The following OXNAD1 variants were observed in gnomAD, a reference collection of about 807,000 sequenced individuals.
OXNAD1 encodes oxidoreductase NAD-binding domain-containing protein 1.
OXNAD1 carries 34 observed loss-of-function variants against 32.9 expected under a neutral mutation model. That is an observed-to-expected ratio of 1.03 (90% CI 0.79 to 1.38). The LOEUF is 1.38. Ranked by LOEUF, OXNAD1 falls within the 40% of genes most tolerant of loss-of-function variation. The pLI, the probability that OXNAD1 is intolerant of heterozygous loss-of-function variation, is 0.00. For synonymous variants in OXNAD1, 134 were observed against 135.2 expected (o/e 0.99, Z 0.06); for missense variants, 407 against 379.4 (o/e 1.07, Z -0.60).
intron 9 of OXNAD1, chr3:16,326,705 T>C (rs1389136773): frequency 8.6e-7 from 1 of 1,168,974 alleles, no homozygotes; most frequent in African/African-American, 1.5e-5. Flanking sequence ...CGTGAGGTGC[T>C]CATTAGGAAC....
Position 16,303,335 on chromosome 3 carries a change from G to A in OXNAD1, c.785-73G>A. 1 of 1,510,258 alleles carries A rather than the reference G, an allele frequency of 6.6e-7. No individual in the cohort carries two copies. The highest frequency in any genetic ancestry group is 9.1e-7 in the Non-Finnish European group (1 of 1,099,476). The allele number at this position is 1,510,258 out of a possible 1,614,324, so 93.6% of individuals were successfully genotyped here. ...TGGAAATAAACACTGTATCTGAATT[G>A]TGGTTAGTCCTTCCTCATTTGCTGA... On this transcript the variant is annotated intron_variant, in intron 8 of 8. Transcript: ENST00000285083. The surrounding 1 kb of genome is among the most constrained non-coding windows in gnomAD (Gnocchi z 4.8).
At chr3:16,313,018 A>G (rs976452705) in intron 9 of OXNAD1, among the ~76,000 whole-genome samples, 1 of 147,154 alleles carries the variant, frequency 6.8e-6, no homozygotes, top group Non-Finnish European at 1.5e-5. Flanking sequence ...TCACCTTAGC[A>G]AAGGTTTATT....
chr3:16,294,775 G>A, intron 5 of OXNAD1, 81 bp from the exon 6 acceptor site: 1 of 1,355,156 alleles, frequency 7.4e-7, no homozygotes, highest in East Asian at 2.4e-5. Context: ...TCATAGTCTT[G>A]CAAAGGTTTG....
At chr3:16,324,104 T>TG (rs34163900) in intron 9 of OXNAD1, among the ~76,000 whole-genome samples, 45,392 of 151,930 alleles carry the variant, frequency 0.3, 7,383 homozygotes, top group Non-Finnish European at 0.36. Flanking sequence ...AGAAGATCAC[T>TG]GTTTTTTTTT....
rs1175279775 is a variant in OXNAD1, at chr3:16,305,722, T to G, written c.*2160T>G. Reference sequence around the variant, plus strand: ...ATACTACTTACTAGGTAGATGACCTTGAGCAAGTCACTTAACTGCTCTATG... The same window carrying G: ...ATACTACTTACTAGGTAGATGACCTGGAGCAAGTCACTTAACTGCTCTATG... On this transcript the variant is annotated 3_prime_UTR_variant, in exon 9 of 9. Transcript: ENST00000285083. This position sits in a 1 kb window ranked among gnomAD's most constrained non-coding sequence, Gnocchi z 4.5. 1 of 152,224 alleles carries G rather than the reference T, an allele frequency of 6.6e-6. No individual in the cohort carries two copies. The highest frequency in any genetic ancestry group is 1.5e-5 in the Non-Finnish European group (1 of 68,044). 9.4% of individuals were successfully genotyped at this position (152,224 alleles called of 1,614,324 possible). A position where few individuals can be genotyped will look rare whatever the true frequency, so the allele number is the denominator to read the frequency against.
chr3:16,309,189 C>A (rs1216920565), downstream of OXNAD1, among the ~76,000 whole-genome samples: 1 of 152,124 alleles, frequency 6.6e-6, no homozygotes, highest in Non-Finnish European at 1.5e-5. Flanking sequence ...ATATACTTAA[C>A]CATATCTCCA....
In OXNAD1 at chr3:16,305,735, T is replaced by C. The variant is rs568108559; in HGVS notation, c.*2173T>C. ...GGTAGATGACCTTGAGCAAGTCACT[T>C]AACTGCTCTATGCCTCATTTAAAAT... On this transcript the variant is annotated 3_prime_UTR_variant, in exon 9 of 9. Coordinates refer to ENST00000285083, the MANE Select transcript of OXNAD1 (RefSeq NM_138381.5). The surrounding 1 kb of genome is among the most constrained non-coding windows in gnomAD (Gnocchi z 4.5). 1.4e-4 allele frequency: 21 copies of C among 152,328 alleles called. No individual in the cohort carries two copies. Among genetic ancestry groups the C allele is most frequent in the African/African-American group, 5.1e-4 (21 of 41,570 alleles). 9.4% of individuals were successfully genotyped at this position (152,328 alleles called of 1,614,324 possible).
chr3:16,352,086 A>G (rs2072141932), downstream of OXNAD1, among the ~76,000 whole-genome samples: 1 of 152,262 alleles, frequency 6.6e-6, no homozygotes. The surrounding 1 kb of genome is among the most constrained non-coding windows in gnomAD (Gnocchi z 4.6). Flanking sequence ...TAAAATGTGT[A>G]AGATAGGAAT....
intron 9 of OXNAD1, among the ~76,000 whole-genome samples, chr3:16,343,019 T>C (rs116528997): frequency 0.01 from 1,574 of 152,216 alleles, 22 homozygotes; most frequent in African/African-American, 0.036. Context: ...TTTTATTTTT[T>C]TAATGTAGAG....
At chr3:16,279,394 G>A (rs2065588183) in intron 4 of OXNAD1, among the ~76,000 whole-genome samples, 1 of 152,176 alleles carries the variant, frequency 6.6e-6, no homozygotes, top group Admixed American at 6.5e-5. Context: ...CAGTTTAGCA[G>A]CTCTGTAATC....
At chr3:16,267,474 G>T (rs531184980) in intron 1 of OXNAD1, among the ~76,000 whole-genome samples, 1 of 151,964 alleles carries the variant, frequency 6.6e-6, no homozygotes, top group South Asian at 2.1e-4. Flanking sequence ...CTGCTCTCCA[G>T]TCACACTGGC....
intron 9 of OXNAD1, among the ~76,000 whole-genome samples, chr3:16,331,111 C>G (rs1293536106): frequency 1.3e-5 from 2 of 152,220 alleles, no homozygotes; most frequent in African/African-American, 4.8e-5. Flanking sequence ...AGAAAAGTGA[C>G]TGGGGACAGT....
chr3:16,333,892 G>C (rs140899009), intron 9 of OXNAD1, among the ~76,000 whole-genome samples: 1,744 of 152,200 alleles, frequency 0.011, 81 homozygotes, highest in East Asian at 0.1. Flanking sequence ...CCAGCCGGGC[G>C]TGGTGGCTCA....
chr3:16,308,542 T>C (rs2067729679), downstream of OXNAD1, among the ~76,000 whole-genome samples: 2 of 152,210 alleles, frequency 1.3e-5, no homozygotes, highest in African/African-American at 2.4e-5. The surrounding 1 kb of genome is among the most constrained non-coding windows in gnomAD (Gnocchi z 4.4). Context: ...AGAGCCGTTA[T>C]TTCATCTTAT....
At chr3:16,326,095 T>C (rs1266282977) in intron 9 of OXNAD1, among the ~76,000 whole-genome samples, 2 of 152,250 alleles carry the variant, frequency 1.3e-5, no homozygotes, top group Non-Finnish European at 2.9e-5. Context: ...ATATCCATGC[T>C]TACAACCCCA....
chr3:16,335,106 A>T lies in OXNAD1; in HGVS notation c.*31-2006A>T, dbSNP rs897768962. On this transcript the variant is annotated intron_variant, in intron 9 of 9. Transcript: ENST00000435829. The surrounding 1 kb of genome is among the most constrained non-coding windows in gnomAD (Gnocchi z 4.7). ...TTCAGACTTCTGACTCAACAAATGT[A>T]AGACAATAAACTTGCGTTGTTTTAA... Among the ~76,000 whole-genome samples the T allele has an allele frequency of 6.6e-6, 1 of 152,266 alleles. No individual in the cohort carries two copies. The highest frequency in any genetic ancestry group is 2.4e-5 in the African/African-American group (1 of 41,476).
chr3:16,328,985 T>C (rs936644048), intron 9 of OXNAD1, among the ~76,000 whole-genome samples: 6 of 152,214 alleles, frequency 3.9e-5, no homozygotes, highest in South Asian at 2.1e-4. Context: ...AAGGTTTGAA[T>C]GTATCCCCCA....
chr3:16,320,533 ACT>A lies in OXNAD1; in HGVS notation c.*31-16576_*31-16575del, dbSNP rs2068931143. 6.6e-6 allele frequency among the ~76,000 whole-genome samples: 1 copy of A among 152,214 alleles called. No homozygotes were observed. Among genetic ancestry groups the A allele is most frequent in the Non-Finnish European group, 1.5e-5 (1 of 68,042 alleles). ...TTTGCTCTTGTGGAGACTATGTCTGACTCTGCCTGGGAAGGATAAAATAATGA... is the reference window on the plus strand; with the variant it reads ...TTTGCTCTTGTGGAGACTATGTCTGACTGCCTGGGAAGGATAAAATAATGA... On this transcript the variant is annotated intron_variant, in intron 9 of 9. Coordinates refer to the OXNAD1 transcript ENST00000435829. This position sits in a 1 kb window ranked among gnomAD's most constrained non-coding sequence, Gnocchi z 4.5.
chr3:16,330,074 G>A (rs1290315492), intron 9 of OXNAD1, among the ~76,000 whole-genome samples: 1 of 152,174 alleles, frequency 6.6e-6, no homozygotes, highest in African/African-American at 2.4e-5. Context: ...CCCCCTCAGG[G>A]TAGGAGATGT....
Sources: gnomAD v4.1 joint callset for allele counts (sites outside exome capture counted in the v4.1 genomes callset) on GRCh38, gnomAD v4.1.1 for gene constraint, Gnocchi (gnomAD v3.1) non-coding constraint, MANE v1.5 for transcripts, NCBI Gene and HGNC (gene_info 2026-07-23, HGNC 2026-07-21) for gene names.